The following PDE4D variants were observed in gnomAD, a reference collection of about 807,000 sequenced individuals.
PDE4D encodes 3',5'-cyclic-AMP phosphodiesterase 4D.
Under a neutral mutation model 87.4 loss-of-function variants are expected in PDE4D, and 24 were observed. That is an observed-to-expected ratio of 0.27 (90% CI 0.20 to 0.39). PDE4D has a LOEUF of 0.39. Ranked by LOEUF, PDE4D falls within the 10% of genes least tolerant of loss-of-function variation. The pLI, the probability that PDE4D is intolerant of heterozygous loss-of-function variation, is 1.00. For synonymous variants in PDE4D, 384 were observed against 383.2 expected (o/e 1.00, Z -0.02); for missense variants, 714 against 1,041.0 (o/e 0.69, Z 4.32).
chr5:59,269,454 T>A (rs1339626586), intron 1 of PDE4D, among the ~76,000 whole-genome samples: 2 of 152,088 alleles, frequency 1.3e-5, no homozygotes, highest in South Asian at 4.1e-4. Context: ...AACTTCAAGG[T>A]CTTATAAGGC....
intron 1 of PDE4D, among the ~76,000 whole-genome samples, chr5:59,349,261 T>C (rs1236583229): frequency 1.3e-5 from 2 of 152,008 alleles, no homozygotes; most frequent in African/African-American, 2.4e-5. Flanking sequence ...GCTTGTCAAT[T>C]ATAGTTTGAA....
At chr5:59,449,228 T>C (rs1267311429) in intron 1 of PDE4D, among the ~76,000 whole-genome samples, 1 of 152,212 alleles carries the variant, frequency 6.6e-6, no homozygotes, top group Non-Finnish European at 1.5e-5. Context: ...GCTGGGTTTA[T>C]GCCTGTCTTC....
At chr5:59,941,523 C>T (rs972263353) in intron 3 of PDE4D, among the ~76,000 whole-genome samples, 3 of 152,274 alleles carry the variant, frequency 2.0e-5, no homozygotes, top group East Asian at 1.9e-4. Context: ...TGTTCTTGAG[C>T]GCACTCTAAG....
chr5:59,390,160 T>A (rs1787952102), intron 1 of PDE4D, among the ~76,000 whole-genome samples: 1 of 152,018 alleles, frequency 6.6e-6, no homozygotes, highest in Admixed American at 6.6e-5. Context: ...AAAAAGGAGA[T>A]TTGAATTGTA....
intron 1 of PDE4D, among the ~76,000 whole-genome samples, chr5:59,413,457 C>CAAAAAAA (rs34074485): frequency 2.0e-4 from 11 of 54,406 alleles, no homozygotes; most frequent in African/African-American, 5.8e-4. Context: ...GACTCCATCT[C>CAAAAAAA]AAAAAAAAAA....
chr5:59,215,449 C>A, intron 2 of PDE4D: 1 of 288,750 alleles, frequency 3.5e-6, no homozygotes, highest in Non-Finnish European at 6.5e-6. Flanking sequence ...AGCTAAAACT[C>A]AGGCTCTACA....
At chr5:60,416,148 T>G (rs1561227831) in intron 1 of PDE4D, among the ~76,000 whole-genome samples, 2 of 151,816 alleles carry the variant, frequency 1.3e-5, no homozygotes, top group Non-Finnish European at 2.9e-5. Flanking sequence ...TGGAGAACTT[T>G]TGTGTCTAGC....
intron 1 of PDE4D, among the ~76,000 whole-genome samples, chr5:59,527,468 T>G (rs1473114899): frequency 6.6e-6 from 1 of 152,186 alleles, no homozygotes; most frequent in Admixed American, 6.5e-5. Context: ...TTGAGAGAGA[T>G]AAGAATGGAT....
intron 1 of PDE4D, among the ~76,000 whole-genome samples, chr5:60,432,047 C>T (rs1583749609): frequency 6.6e-6 from 1 of 151,422 alleles, no homozygotes; most frequent in East Asian, 1.9e-4. Context: ...AGCTCGGCAT[C>T]AGAGGGAGAC....
intron 1 of PDE4D, among the ~76,000 whole-genome samples, chr5:60,320,406 A>G (rs1297189123): frequency 1.3e-5 from 2 of 152,178 alleles, no homozygotes; most frequent in African/African-American, 4.8e-5. Context: ...TAGGAAAGGG[A>G]ATTCCCTGAC....
intron 2 of PDE4D, among the ~76,000 whole-genome samples, chr5:60,133,013 T>C (rs1779719753): frequency 6.6e-6 from 1 of 152,188 alleles, no homozygotes; most frequent in Non-Finnish European, 1.5e-5. Context: ...TGCCTCTCTC[T>C]TCAGGTTGTG....
chr5:60,327,908 G>A (rs1562328210), intron 1 of PDE4D, among the ~76,000 whole-genome samples: 1 of 152,052 alleles, frequency 6.6e-6, no homozygotes, highest in African/African-American at 2.4e-5. Flanking sequence ...TGATTTTTAT[G>A]TTTTTTCTAC....
chr5:59,582,050 A>G (rs912836906), intron 1 of PDE4D, among the ~76,000 whole-genome samples: 4 of 152,170 alleles, frequency 2.6e-5, no homozygotes, highest in African/African-American at 7.2e-5. Context: ...TGGCCCCAAC[A>G]GGAATTCAGA....
intron 3 of PDE4D, among the ~76,000 whole-genome samples, chr5:59,936,696 T>C (rs1302403019): frequency 6.6e-6 from 1 of 152,162 alleles, no homozygotes; most frequent in African/African-American, 2.4e-5. Context: ...TCACATCCAA[T>C]CCTATATTGT....
At chr5:59,237,324 T>C (rs922355563) in intron 1 of PDE4D, among the ~76,000 whole-genome samples, 4 of 152,214 alleles carry the variant, frequency 2.6e-5, no homozygotes, top group African/African-American at 9.6e-5. Context: ...CCATTTACTT[T>C]AATCATCATA....
At chr5:59,863,060 C>T (rs1451726812) in intron 1 of PDE4D, among the ~76,000 whole-genome samples, 1 of 152,158 alleles carries the variant, frequency 6.6e-6, no homozygotes, top group Admixed American at 6.5e-5. Context: ...ATGACCCAAG[C>T]AACATTAAGA....
chr5:60,427,280 A>T, intron 1 of PDE4D, among the ~76,000 whole-genome samples: 1 of 152,210 alleles, frequency 6.6e-6, no homozygotes, highest in Non-Finnish European at 1.5e-5. Flanking sequence ...CACATCCAAG[A>T]TAAAGAGGAA....
chr5:59,775,059 G>T (rs558837962), intron 1 of PDE4D, among the ~76,000 whole-genome samples: 1 of 152,154 alleles, frequency 6.6e-6, no homozygotes, highest in East Asian at 1.9e-4. Context: ...TACAATTTAG[G>T]TAAGAACCTT....
intron 1 of PDE4D, among the ~76,000 whole-genome samples, chr5:59,430,846 G>A (rs981497635): frequency 3.9e-5 from 6 of 152,086 alleles, no homozygotes; most frequent in African/African-American, 1.2e-4. Context: ...AACAAAGCAT[G>A]CATATCTGAT....
Sources: gnomAD v4.1 joint callset for allele counts (sites outside exome capture counted in the v4.1 genomes callset) on GRCh38, gnomAD v4.1.1 for gene constraint, MANE v1.5 for transcripts, NCBI Gene and HGNC (gene_info 2026-07-23, HGNC 2026-07-21) for gene names.